The following USP10 variants were observed in gnomAD, a reference collection of about 807,000 sequenced individuals.
USP10 encodes ubiquitin specific peptidase 10, also known as ubiquitin carboxyl-terminal hydrolase 10.
Under a neutral mutation model 84.5 loss-of-function variants are expected in USP10, and 22 were observed. The ratio of observed to expected loss-of-function variants is 0.26; its 90% CI spans 0.19 to 0.37. USP10 has a LOEUF of 0.37. Among genes scored for constraint, USP10 ranks in the 10% least tolerant of loss-of-function variants. USP10 has a pLI of 1.00. For synonymous variants in USP10, 454 were observed against 387.6 expected, an observed-to-expected ratio of 1.17 and a Z score of -2.01; for missense variants, 1,019 against 998.9, an observed-to-expected ratio of 1.02 and a Z score of -0.27.
chr16:84,702,019 T>A (rs1904936224), intron 1 of USP10, among the ~76,000 whole-genome samples: 1 of 149,230 alleles, frequency 6.7e-6, no homozygotes, highest in African/African-American at 2.4e-5. Context: ...TAAACTTTTT[T>A]ATTTATTTTG....
At chr16:84,776,227 A>G (rs1217887254) in intron 13 of USP10, among the ~76,000 whole-genome samples, 3 of 152,072 alleles carry the variant, frequency 2.0e-5, no homozygotes, top group Admixed American at 1.3e-4. Flanking sequence ...GCTCCTGTCC[A>G]CCTCAGCTCA....
Position 84,744,946 on chromosome 16 carries a change from G to A in USP10, c.465G>A (p.Arg155=). Residue 155 remains arginine, a synonymous_variant, in exon 4 of 14, where the codon CGG becomes CGA. Transcript: ENST00000219473. ...GGGAGCGTAAAAAGAAGAAAAAGCG[G>A]CCACCTGGATATTACAGCTATTTGA... The part of the protein sequence containing the change: ...GQRERKKKKK[R]PPGYYSYLKD... 1 of 1,613,776 alleles carries A rather than the reference G, an allele frequency of 6.2e-7. No individual in the cohort carries two copies. The highest frequency in any genetic ancestry group is 8.5e-7 in the Non-Finnish European group (1 of 1,179,718).
chr16:84,752,757 G>A (rs867033410), intron 4 of USP10, among the ~76,000 whole-genome samples: 9 of 152,146 alleles, frequency 5.9e-5, no homozygotes, highest in Admixed American at 6.5e-5. Flanking sequence ...AGGAGCTCAC[G>A]AACTTCATAA....
At chr16:84,702,192 G>A (rs1904972622) in intron 1 of USP10, among the ~76,000 whole-genome samples, 2 of 151,248 alleles carry the variant, frequency 1.3e-5, no homozygotes, top group South Asian at 4.2e-4. Context: ...AAGTAGCTGG[G>A]ATTACAGGCG....
At chr16:84,735,196 G>GATGTGTGTGTGTGTGTGTGTGTGTGT (rs1555541026) in intron 2 of USP10, among the ~76,000 whole-genome samples, 1 of 146,264 alleles carries the variant, frequency 6.8e-6, no homozygotes, top group African/African-American at 2.5e-5. Flanking sequence ...AGGCCCGGGT[G>GATGTGTGTGTGTGTGTGTGTGTGTGT]GTGTGTGTGT....
At chr16:84,778,384 T>G (rs1256706847) in intron 13 of USP10, among the ~76,000 whole-genome samples, 5 of 152,148 alleles carry the variant, frequency 3.3e-5, no homozygotes, top group African/African-American at 1.2e-4. Context: ...CTTAATCTAT[T>G]CCACGAAAAA....
chr16:84,777,417 A>G (rs1915132826), intron 13 of USP10, among the ~76,000 whole-genome samples: 1 of 152,220 alleles, frequency 6.6e-6, no homozygotes, highest in Non-Finnish European at 1.5e-5. Flanking sequence ...GATCTAGGAC[A>G]GAAGTCTCAA....
At position 84,700,020 on chromosome 16, in the gene USP10, G is replaced by C; in HGVS notation, c.-71G>C. 1 of 1,320,954 alleles carries C rather than the reference G, an allele frequency of 7.6e-7. No homozygotes were observed. The highest frequency in any genetic ancestry group is 9.9e-7 in the Non-Finnish European group (1 of 1,009,330). 81.8% of individuals were successfully genotyped at this position (1,320,954 alleles called of 1,614,324 possible). On this transcript the variant is annotated 5_prime_UTR_variant, in exon 1 of 14. Transcript: ENST00000219473. ...GATGCGAGTGTGTATGTGCGGGCGA[G>C]AAGATGGCGGCGGCGGGGGAAGCAG...
intron 2 of USP10, among the ~76,000 whole-genome samples, chr16:84,738,725 G>C (rs1910246855): frequency 6.6e-6 from 1 of 152,188 alleles, no homozygotes; most frequent in South Asian, 2.1e-4. Flanking sequence ...ATTGCCCTGT[G>C]TTTTCCTGTT....
intron 1 of USP10, among the ~76,000 whole-genome samples, chr16:84,725,605 A>G (rs921937173): frequency 4.6e-5 from 7 of 151,938 alleles, no homozygotes; most frequent in African/African-American, 1.7e-4. Context: ...GGGTTTCACC[A>G]TGTTGGCAGT....
At chr16:84,704,684 A>G (rs1905254597) in intron 1 of USP10, 3 of 1,468,774 alleles carry the variant, frequency 2.0e-6, no homozygotes, top group East Asian at 2.5e-5. Context: ...ACCTCGATGT[A>G]GAATCTTCAG....
In USP10 at chr16:84,704,157, G is replaced by T. The variant is rs116704962; in HGVS notation, c.21+4046G>T. ...TTAGTTACATCAGGGTTTTTGTTTC[G>T]GTTTTTTGTTTGTTTGTTTGTTTTT... On this transcript the variant is annotated intron_variant, in intron 1 of 13. Coordinates refer to ENST00000219473, the MANE Select transcript of USP10 (RefSeq NM_005153.3). Among the ~76,000 whole-genome samples the T allele has an allele frequency of 3.9e-3, 598 of 152,198 alleles. 3 individuals are homozygous for T. The highest frequency in any genetic ancestry group is 5.6e-3 in the Non-Finnish European group (381 of 68,016).
At chr16:84,730,575 T>C (rs1466980213) in intron 1 of USP10, among the ~76,000 whole-genome samples, 1 of 152,162 alleles carries the variant, frequency 6.6e-6, no homozygotes, top group Non-Finnish European at 1.5e-5. Context: ...GACTTGAGGG[T>C]GTTTGCCGCT....
intron 10 of USP10, among the ~76,000 whole-genome samples, chr16:84,766,827 C>T (rs1369467872): frequency 1.3e-5 from 2 of 152,184 alleles, no homozygotes; most frequent in East Asian, 3.8e-4. Flanking sequence ...ATTCTTACAA[C>T]GTAGGAACTT....
intron 1 of USP10, among the ~76,000 whole-genome samples, chr16:84,705,710 G>C (rs1173689807): frequency 7.3e-6 from 1 of 137,592 alleles, no homozygotes; most frequent in African/African-American, 2.8e-5. Context: ...TCATGCCCTT[G>C]CTTGCTTTTT....
chr16:84,714,284 G>T (rs1263648153), intron 1 of USP10, among the ~76,000 whole-genome samples: 1 of 152,160 alleles, frequency 6.6e-6, no homozygotes, highest in African/African-American at 2.4e-5. Context: ...TTAAAATGTG[G>T]AATGACACTT....
Position 84,769,581 on chromosome 16 carries a change from C to G in USP10, c.1998+1223C>G, listed in dbSNP as rs1914211821. Among the ~76,000 whole-genome samples, 5 of 56,310 alleles carry G rather than the reference C, an allele frequency of 8.9e-5. No homozygotes were observed. In the South Asian group the frequency reaches 2.2e-3, roughly 25 times the overall value. 36.9% of individuals were successfully genotyped at this position (56,310 alleles called of 152,430 possible). On this transcript the variant is annotated intron_variant, in intron 11 of 13. Coordinates refer to ENST00000219473, the MANE Select transcript of USP10 (RefSeq NM_005153.3). ...AGGTTGGTTGGGTGGTTCAGTTGTGCATTGTGGGTGACTGTCGGCTTGGCT... is the reference window on the plus strand; with the variant it reads ...AGGTTGGTTGGGTGGTTCAGTTGTGGATTGTGGGTGACTGTCGGCTTGGCT...
intron 3 of USP10, among the ~76,000 whole-genome samples, chr16:84,742,041 G>A (rs1910687661): frequency 6.6e-6 from 1 of 152,132 alleles, no homozygotes; most frequent in African/African-American, 2.4e-5. Flanking sequence ...TTCCCTTTTA[G>A]ATCTCGGCCT....
In USP10 at chr16:84,733,643, C is replaced by T. The variant is rs1176262625; in HGVS notation, c.90+140C>T. The T allele has an allele frequency of 2.4e-5, 13 of 546,666 alleles. No homozygotes were observed. The South Asian group carries it at 3.3e-4, about 14-fold the overall frequency. The allele number at this position is 546,666 out of a possible 1,614,324, so 33.9% of individuals were successfully genotyped here. On this transcript the variant is annotated intron_variant, in intron 2 of 13. Coordinates refer to ENST00000219473, the MANE Select transcript of USP10 (RefSeq NM_005153.3). Reference sequence around the variant, plus strand: ...CTAATATGAGAAATGCCTCAACCCACCAACTAGATTTGACTGACATTTGAT... The same window carrying T: ...CTAATATGAGAAATGCCTCAACCCATCAACTAGATTTGACTGACATTTGAT...
Sources: allele counts gnomAD v4.1 joint callset (sites outside exome capture counted in the v4.1 genomes callset), GRCh38; gene constraint gnomAD v4.1.1; transcripts MANE v1.5; gene names NCBI Gene and HGNC (gene_info 2026-07-23, HGNC 2026-07-21).